DAAM1: variants seen among roughly 807,000 people sequenced by gnomAD.
DAAM1 encodes the protein dishevelled associated activator of morphogenesis 1.
A neutral mutation model predicts 130.0 loss-of-function variants in DAAM1; 52 were observed. The observed-to-expected ratio is 0.40, with a 90% CI of 0.32 to 0.50. The LOEUF is 0.50. Ranked by LOEUF, DAAM1 falls within the 20% of genes least tolerant of loss-of-function variation. The probability of loss-of-function intolerance (pLI) is 0.61; values close to 1 mark genes in which losing one functional copy is unlikely to be tolerated. For missense variants in DAAM1, 1,134 were observed against 1,303.8 expected (o/e 0.87, Z 2.01); for synonymous variants, 452 against 444.5 (o/e 1.02, Z -0.21).
chr14:59,344,608 G>T (rs542920291), intron 16 of DAAM1, among the ~76,000 whole-genome samples: 6 of 152,250 alleles, frequency 3.9e-5, no homozygotes, highest in African/African-American at 1.4e-4. Flanking sequence ...AACAGGACGC[G>T]TGCATAGCAT....
intron 24 of DAAM1, among the ~76,000 whole-genome samples, chr14:59,367,947 T>A (rs1886985436): frequency 6.6e-6 from 1 of 152,130 alleles, no homozygotes; most frequent in African/African-American, 2.4e-5. Context: ...GAGTTCTAAA[T>A]GATATAACAG....
chr14:59,308,617 C>T (rs1454271729), intron 3 of DAAM1, among the ~76,000 whole-genome samples: 1 of 152,076 alleles, frequency 6.6e-6, no homozygotes, highest in Non-Finnish European at 1.5e-5. Flanking sequence ...TTATAAGGGA[C>T]CCCTGTGAGA....
At chr14:59,211,911 C>G (rs930944899) in intron 1 of DAAM1, among the ~76,000 whole-genome samples, 1 of 152,066 alleles carries the variant, frequency 6.6e-6, no homozygotes, top group Admixed American at 6.5e-5. Flanking sequence ...ATGATGAGTT[C>G]CATATTATTT....
At position 59,326,919 on chromosome 14, in the gene DAAM1, G is replaced by T; in HGVS notation, c.1314-14G>T. On this transcript the variant is annotated splice_polypyrimidine_tract_variant and intron_variant, in intron 11 of 24. Transcript: ENST00000360909. ...ATATTTTTTGTAATAAATGCTCCTT[G>T]AACTCTTACACAGGTTGGTTAATGA... is the stretch of plus-strand genomic sequence containing the variant. The T allele has an allele frequency of 1.9e-6, 3 of 1,613,560 alleles. No individual in the cohort carries two copies. The South Asian group carries it at 3.3e-5, about 18-fold the overall frequency.
At chr14:59,278,488 G>A (rs1296582815) in intron 2 of DAAM1, among the ~76,000 whole-genome samples, 1 of 152,066 alleles carries the variant, frequency 6.6e-6, no homozygotes, top group Non-Finnish European at 1.5e-5. Flanking sequence ...TATTCTTTTA[G>A]AATTCTTAAT....
chr14:59,341,585 C>G (rs894649610), intron 16 of DAAM1, among the ~76,000 whole-genome samples: 24 of 152,188 alleles, frequency 1.6e-4, no homozygotes, highest in African/African-American at 5.5e-4. Flanking sequence ...AAACTTTACC[C>G]TAGGTATGTA....
intron 1 of DAAM1, among the ~76,000 whole-genome samples, chr14:59,196,569 C>T (rs938936147): frequency 3.9e-5 from 6 of 152,096 alleles, no homozygotes; most frequent in African/African-American, 1.4e-4. Flanking sequence ...CGGTGAAACC[C>T]CATCTCTACT....
At chr14:59,296,072 G>A (rs1386339197) in intron 3 of DAAM1, among the ~76,000 whole-genome samples, 1 of 152,202 alleles carries the variant, frequency 6.6e-6, no homozygotes, top group Non-Finnish European at 1.5e-5. Context: ...GTTCAAACTG[G>A]CATTTCTGCT....
At chr14:59,324,510 C>A in intron 8 of DAAM1, 56 bp downstream of exon 8, 3 of 1,163,062 alleles carry the variant, frequency 2.6e-6, no homozygotes, top group Non-Finnish European at 3.6e-6. Flanking sequence ...CTGTGTAATG[C>A]AATACCTCAT....
intron 1 of DAAM1, among the ~76,000 whole-genome samples, chr14:59,208,559 G>T (rs1888331949): frequency 6.6e-6 from 1 of 152,186 alleles, no homozygotes; most frequent in Non-Finnish European, 1.5e-5. Flanking sequence ...AGGAGGTCCA[G>T]TGAGGGTTTT....
intron 1 of DAAM1, among the ~76,000 whole-genome samples, chr14:59,209,109 G>C (rs1265180466): frequency 6.6e-6 from 1 of 152,196 alleles, no homozygotes; most frequent in Non-Finnish European, 1.5e-5. Context: ...AGTTGCGCAT[G>C]TGCATGTTTC....
At chr14:59,209,982 A>T (rs1888378597) in intron 1 of DAAM1, among the ~76,000 whole-genome samples, 1 of 152,122 alleles carries the variant, frequency 6.6e-6, no homozygotes, top group African/African-American at 2.4e-5. Flanking sequence ...AAAATAGGAA[A>T]AAAAGTAGAT....
In DAAM1 at chr14:59,211,910, T is replaced by C. The variant is rs532131753; in HGVS notation, c.-38+23142T>C. On this transcript the variant is annotated intron_variant, in intron 1 of 24. Coordinates refer to ENST00000360909, the MANE Select transcript of DAAM1 (RefSeq NM_001270520.2). The stretch of plus-strand genomic sequence containing the variant: ...CATATTTTTCTCATTAATGATGAGT[T>C]CCATATTATTTTATGAACTTCTGAA... Among the ~76,000 whole-genome samples the C allele has an allele frequency of 3.3e-4, 51 of 152,354 alleles. 2 individuals carry two copies. In the South Asian group the frequency reaches 0.01, roughly 30 times the overall value.
intron 1 of DAAM1, among the ~76,000 whole-genome samples, chr14:59,197,096 A>G (rs913908110): frequency 7.9e-5 from 12 of 151,940 alleles, no homozygotes; most frequent in Middle Eastern, 3.2e-3. Flanking sequence ...AGTTTTTTGT[A>G]TTTTTAGTAG....
At chr14:59,199,945 C>CA (rs1234346807) in intron 1 of DAAM1, among the ~76,000 whole-genome samples, 4 of 152,162 alleles carry the variant, frequency 2.6e-5, no homozygotes. Flanking sequence ...AGCCATTTGA[C>CA]AGAGTTTTGG....
chr14:59,292,590 A>C (rs1480657785), intron 3 of DAAM1, among the ~76,000 whole-genome samples: 4 of 152,228 alleles, frequency 2.6e-5, no homozygotes, highest in African/African-American at 4.8e-5. Flanking sequence ...ATGCATGATG[A>C]CTGAATCACT....
chr14:59,259,576 G>T (rs1882072581), intron 1 of DAAM1, among the ~76,000 whole-genome samples: 1 of 152,190 alleles, frequency 6.6e-6, no homozygotes, highest in Non-Finnish European at 1.5e-5. Flanking sequence ...TCTCTCTTCA[G>T]TTTACCAAGG....
chr14:59,194,185 G>C (rs568083312), intron 1 of DAAM1, among the ~76,000 whole-genome samples: 3 of 152,238 alleles, frequency 2.0e-5, no homozygotes, highest in African/African-American at 4.8e-5. Context: ...TCTGCAACTC[G>C]AGTTGGGGTA....
chr14:59,330,643 G>C lies in DAAM1; in HGVS notation c.1515G>C (p.Lys505Asn). 6.2e-7 allele frequency: 1 copy of C among 1,613,870 alleles called. No individual in the cohort carries two copies. The highest frequency in any genetic ancestry group is 8.5e-7 in the Non-Finnish European group (1 of 1,179,934). Residue 505 changes from lysine (K) to asparagine (N), a missense_variant, in exon 13 of 25, where the codon AAG becomes AAC. Physicochemically the swap from Lys to Asn is moderately conservative, Grantham distance 94. Around this residue, in one of 3 missense-constraint regions of DAAM1, gnomAD observed 644 missense variants for 695.9 expected, o/e 0.93. Transcript: ENST00000360909. ...AGACTACTGAGCATAAGCAAGTCAAGCAGCAGGTGGCGGACCTCACAGCAC... is the reference window on the plus strand; with the variant it reads ...AGACTACTGAGCATAAGCAAGTCAACCAGCAGGTGGCGGACCTCACAGCAC... ...EKETTEHKQV[K>N]QQVADLTAQL... is the part of the protein sequence containing the mutation.
Sources: allele counts gnomAD v4.1 joint callset (sites outside exome capture counted in the v4.1 genomes callset), GRCh38; gene constraint gnomAD v4.1.1; regional missense constraint gnomAD v4.1.1; transcripts MANE v1.5; gene names NCBI Gene and HGNC (gene_info 2026-07-23, HGNC 2026-07-21).